Variants in SGMS1 observed in about 807,000 individuals in gnomAD.
SGMS1 encodes phosphatidylcholine:ceramide cholinephosphotransferase 1.
Under a neutral mutation model 46.2 loss-of-function variants are expected in SGMS1, and 13 were observed. The observed-to-expected ratio is 0.28, with a 90% CI of 0.18 to 0.45. The LOEUF (loss-of-function observed/expected upper bound fraction) is 0.45, where lower values mean the gene tolerates loss of function less well. Among genes scored for constraint, SGMS1 ranks in the 20% least tolerant of loss-of-function variants. The probability of loss-of-function intolerance (pLI) is 1.00; values close to 1 mark genes in which losing one functional copy is unlikely to be tolerated. For missense variants in SGMS1, 324 were observed against 519.9 expected (o/e 0.62, Z 3.66); for synonymous variants, 203 against 187.8 (o/e 1.08, Z -0.66).
chr10:50,327,903 C>T (rs1847555671), intron 7 of SGMS1, among the ~76,000 whole-genome samples: 1 of 152,158 alleles, frequency 6.6e-6, no homozygotes, highest in South Asian at 2.1e-4. Context: ...TTGGGATGCA[C>T]ATTTACTTCT....
At position 50,620,884 on chromosome 10, in the gene SGMS1, AAATAAT is replaced by A. The variant is rs1271675608; in HGVS notation, c.-684+2817_-684+2822del. On this transcript the variant is annotated intron_variant, in intron 1 of 10. Transcript: ENST00000361781. Reference sequence around the variant, plus strand: ...TCCAACAGGAGCACTTTTTAGTTAAAAATAATAATAATAATACTGCTAGGTGCAGTG... The same window carrying A: ...TCCAACAGGAGCACTTTTTAGTTAAAAATAATAATACTGCTAGGTGCAGTG... Among the ~76,000 whole-genome samples, 10 of 152,262 alleles carry A rather than the reference AAATAAT, an allele frequency of 6.6e-5. No homozygotes were observed. In the East Asian group the frequency reaches 1.5e-3, roughly 23 times the overall value.
At chr10:50,315,630 G>A (rs866742626) in intron 8 of SGMS1, among the ~76,000 whole-genome samples, 1 of 152,286 alleles carries the variant, frequency 6.6e-6, no homozygotes, top group African/African-American at 2.4e-5. Flanking sequence ...GCTGCATTCA[G>A]TGTGAAAGAA....
chr10:50,446,460 C>T (rs1040411016), intron 5 of SGMS1, among the ~76,000 whole-genome samples: 11 of 151,976 alleles, frequency 7.2e-5, no homozygotes, highest in East Asian at 1.9e-4. Flanking sequence ...TGGTTTCCCC[C>T]GATACACAAA....
chr10:50,428,188 GACATGGAGTCCACTC>G (rs1447161160), intron 6 of SGMS1, among the ~76,000 whole-genome samples: 10 of 152,068 alleles, frequency 6.6e-5, no homozygotes, highest in African/African-American at 2.4e-4. Flanking sequence ...ATAAGCTGTG[GACATGGAGTCCACTC>G]CATGTCCTCT....
intron 6 of SGMS1, among the ~76,000 whole-genome samples, chr10:50,414,498 C>A (rs2133578984): frequency 6.6e-6 from 1 of 152,322 alleles, no homozygotes; most frequent in East Asian, 1.9e-4. Context: ...TAGTTAACAG[C>A]AGCAACAACA....
intron 3 of SGMS1, among the ~76,000 whole-genome samples, chr10:50,496,817 C>T (rs187547453): frequency 2.6e-4 from 40 of 152,270 alleles, no homozygotes; most frequent in Non-Finnish European, 3.5e-4. Context: ...TGTCCTCATC[C>T]GCAAAATGGT....
At position 50,563,982 on chromosome 10, in the gene SGMS1, G is replaced by T. The variant is rs142997145; in HGVS notation, c.-589+26171C>A. On this transcript the variant is annotated intron_variant, in intron 2 of 10. Transcript: ENST00000361781. ...ACACCAGATCCTGCAAGCAGGCGCC[G>T]CCTAGAGCCTGTGAGAAACCAGGCC... Among the ~76,000 whole-genome samples, 523 of 152,310 alleles carry T rather than the reference G, an allele frequency of 3.4e-3. 3 individuals are homozygous for T. The highest frequency in any genetic ancestry group is 0.012 in the African/African-American group (503 of 41,572).
chr10:50,468,797 G>A (rs1474175664), intron 3 of SGMS1, among the ~76,000 whole-genome samples: 6 of 152,168 alleles, frequency 3.9e-5, no homozygotes, highest in African/African-American at 1.4e-4. Flanking sequence ...TTGACAGGAA[G>A]AAAATAAAAT....
At chr10:50,311,146 C>G in intron 9 of SGMS1, 116 bp downstream of exon 9, 1 of 1,248,104 alleles carries the variant, frequency 8.0e-7, no homozygotes, top group Non-Finnish European at 1.1e-6. Context: ...CTGCAAGCCT[C>G]CTGAAGCCTC....
intron 2 of SGMS1, among the ~76,000 whole-genome samples, chr10:50,578,261 G>A (rs982511770): frequency 2.6e-5 from 4 of 152,278 alleles, no homozygotes; most frequent in Admixed American, 6.5e-5. Flanking sequence ...CTCCCTTTGC[G>A]GTATTTATGT....
chr10:50,359,682 CA>C (rs34496581), intron 6 of SGMS1, among the ~76,000 whole-genome samples: 24,339 of 140,174 alleles, frequency 0.17, 2,085 homozygotes, highest in Admixed American at 0.23. Context: ...TTCATTATGG[CA>C]AAAAAAAAAA....
chr10:50,529,590 T>C (rs1837934623), intron 2 of SGMS1, among the ~76,000 whole-genome samples: 1 of 152,202 alleles, frequency 6.6e-6, no homozygotes, highest in African/African-American at 2.4e-5. Flanking sequence ...GAGTACATCT[T>C]ACACTTTGGG....
chr10:50,581,795 C>T (rs995552095), intron 2 of SGMS1, among the ~76,000 whole-genome samples: 2 of 152,180 alleles, frequency 1.3e-5, no homozygotes, highest in African/African-American at 4.8e-5. Context: ...GACACCACAT[C>T]CTCCATCTAA....
intron 2 of SGMS1, among the ~76,000 whole-genome samples, chr10:50,586,819 C>T (rs1002050677): frequency 5.3e-5 from 8 of 152,198 alleles, no homozygotes; most frequent in African/African-American, 7.2e-5. Flanking sequence ...TCCACTATAA[C>T]CATGATGAGG....
At chr10:50,606,667 G>T (rs1225897349) in intron 1 of SGMS1, among the ~76,000 whole-genome samples, 1 of 152,204 alleles carries the variant, frequency 6.6e-6, no homozygotes, top group Non-Finnish European at 1.5e-5. Flanking sequence ...AAGCTAAAGA[G>T]CAGGATGCAT....
At chr10:50,624,911 C>T (rs576014885), upstream of SGMS1, 358 of 1,007,408 alleles carry the variant, frequency 3.6e-4, 1 homozygote, top group African/African-American at 5.6e-3. Flanking sequence ...GGCTACGGGC[C>T]CGGCGTACCA....
chr10:50,379,622 C>T (rs1266172732), intron 6 of SGMS1, among the ~76,000 whole-genome samples: 2 of 151,978 alleles, frequency 1.3e-5, no homozygotes, highest in African/African-American at 4.8e-5. Context: ...CTAAAGATTA[C>T]AGAGAGAGTA....
intron 5 of SGMS1, among the ~76,000 whole-genome samples, chr10:50,445,453 G>A (rs561659421): frequency 1.3e-5 from 2 of 152,298 alleles, no homozygotes; most frequent in East Asian, 3.9e-4. Context: ...TGAAGCCATG[G>A]CAGAAGAACA....
At chr10:50,497,340 T>C (rs139044767) in intron 3 of SGMS1, among the ~76,000 whole-genome samples, 1 of 152,216 alleles carries the variant, frequency 6.6e-6, no homozygotes, top group Non-Finnish European at 1.5e-5. Context: ...TGAGGACTCA[T>C]CTTTTCAAGA....
Sources: allele counts gnomAD v4.1 joint callset (sites outside exome capture counted in the v4.1 genomes callset), GRCh38; gene constraint gnomAD v4.1.1; transcripts MANE v1.5; gene names NCBI Gene and HGNC (gene_info 2026-07-23, HGNC 2026-07-21).